PNPT1: variants seen among roughly 807,000 people sequenced by gnomAD.
The protein encoded by PNPT1 is polyribonucleotide nucleotidyltransferase 1, mitochondrial.
A neutral mutation model predicts 119.5 loss-of-function variants in PNPT1; 53 were observed. The ratio of observed to expected loss-of-function variants is 0.44; its 90% confidence interval spans 0.36 to 0.56. The LOEUF is 0.56. Among genes scored for constraint, PNPT1 ranks in the 20% least tolerant of loss-of-function variants. PNPT1 has a pLI of 0.00. For synonymous variants in PNPT1, 357 were observed against 322.1 expected, an observed-to-expected ratio of 1.11 and a Z score of -1.16; for missense variants, 948 against 938.5, an observed-to-expected ratio of 1.01 and a Z score of -0.13.
chr2:55,677,050 A>T (rs1385229283), intron 8 of PNPT1, among the ~76,000 whole-genome samples: 1 of 152,218 alleles, frequency 6.6e-6, no homozygotes, highest in Non-Finnish European at 1.5e-5. Context: ...TTATGAAAGC[A>T]GAGAGAGCTG....
At chr2:55,692,554 C>G (rs1199516989) in intron 1 of PNPT1, among the ~76,000 whole-genome samples, 1 of 151,974 alleles carries the variant, frequency 6.6e-6, no homozygotes, top group Non-Finnish European at 1.5e-5. Context: ...AAAGTATGGG[C>G]TTTGTAAGCA....
intron 9 of PNPT1, among the ~76,000 whole-genome samples, chr2:55,672,361 T>C (rs140823950): frequency 5.9e-5 from 9 of 152,374 alleles, no homozygotes; most frequent in Non-Finnish European, 8.8e-5. Context: ...TCTACCCATT[T>C]TGGCTCCATT....
chr2:55,681,923 C>T (rs1286526073), intron 5 of PNPT1, among the ~76,000 whole-genome samples: 1 of 151,222 alleles, frequency 6.6e-6, no homozygotes, highest in Non-Finnish European at 1.5e-5. Flanking sequence ...GGGCAGATCA[C>T]GGGGTCAGGA....
At chr2:55,671,542 T>A (rs1696914408) in intron 10 of PNPT1, among the ~76,000 whole-genome samples, 166 bp from the exon 11 acceptor site, 1 of 152,224 alleles carries the variant, frequency 6.6e-6, no homozygotes, top group Admixed American at 6.5e-5. Flanking sequence ...ACATGTTAAT[T>A]CATTCAAATA....
intron 8 of PNPT1, among the ~76,000 whole-genome samples, chr2:55,678,894 C>CA (rs1054221415): frequency 6.6e-6 from 1 of 152,150 alleles, no homozygotes; most frequent in Non-Finnish European, 1.5e-5. Flanking sequence ...ATTACTTGTA[C>CA]AAAAAAGCAG....
At chr2:55,669,886 G>C (rs952323934) in intron 11 of PNPT1, among the ~76,000 whole-genome samples, 1 of 151,372 alleles carries the variant, frequency 6.6e-6, no homozygotes, top group African/African-American at 2.4e-5. Flanking sequence ...AGCCTCCCAA[G>C]TAGCTGGGAT....
chr2:55,674,910 G>A (rs1029108715), intron 8 of PNPT1, among the ~76,000 whole-genome samples: 2 of 152,194 alleles, frequency 1.3e-5, no homozygotes, highest in African/African-American at 2.4e-5. Context: ...TTAATCCGGA[G>A]ATTTTTAAAA....
rs770504501 is a variant in PNPT1, at chr2:55,684,968, T to C, written c.378A>G (p.Lys126=). 7 of 1,588,362 alleles carry C rather than the reference T, an allele frequency of 4.4e-6. No homozygotes were observed. The highest frequency in any genetic ancestry group is 2.6e-6 in the Non-Finnish European group (3 of 1,162,104). Residue 126 remains lysine, a synonymous_variant, in exon 4 of 28, where the codon AAA becomes AAG. Coordinates refer to ENST00000447944, the MANE Select transcript of PNPT1 (RefSeq NM_033109.5). ...YLRREIGTSD[K]EILTSRIIDR... ...CTATTATTCGACTTGTTAGAATTTC[T>C]TTATCAGAAGTACCAATCTCTCTTC... is the stretch of plus-strand genomic sequence containing the variant.
intron 18 of PNPT1, among the ~76,000 whole-genome samples, chr2:55,653,695 T>C (rs944350726): frequency 2.6e-5 from 4 of 152,268 alleles, no homozygotes; most frequent in South Asian, 2.1e-4. Context: ...TTTTCCTTTA[T>C]TGAATAAATT....
rs1284333425 is a variant in PNPT1 at position 55,634,874 on chromosome 2, A to G, written c.*1363T>C. The G allele has an allele frequency of 6.6e-6, 1 of 151,456 alleles. No individual in the cohort carries two copies. Among genetic ancestry groups the G allele is most frequent in the African/African-American group, 2.4e-5 (1 of 41,172 alleles). The allele number at this position is 151,456 out of a possible 1,614,324, so 9.4% of individuals were successfully genotyped here. A position where few individuals can be genotyped will look rare whatever the true frequency, so the allele number is the denominator to read the frequency against. ...CCTGGCCAGATATACCTACATTTTT[A>G]TAAGATTTAAAATTTTTTTTAGAGA... is the stretch of plus-strand genomic sequence containing the variant. On this transcript the variant is annotated 3_prime_UTR_variant, in exon 28 of 28. Transcript: ENST00000447944.
At position 55,661,958 on chromosome 2, in the gene PNPT1, T is replaced by G. The variant is rs1313659093; in HGVS notation, c.1245A>C (p.Ile415=). ...GIKSDQVITA[I]NGIKDKNFML... is the part of the protein sequence containing the mutation. ...AACATCTTAAAAACATAACTTACTTTATAGCTGTTATAACTTGATCTGACT... is the reference window on the plus strand; with the variant it reads ...AACATCTTAAAAACATAACTTACTTGATAGCTGTTATAACTTGATCTGACT... Residue 415 remains isoleucine (I), a splice_region_variant and synonymous_variant, in exon 14 of 28, where the codon ATA becomes ATC. Transcript: ENST00000447944. 6.4e-7 allele frequency: 1 copy of G among 1,564,854 alleles called. No homozygotes were observed. The highest frequency in any genetic ancestry group is 2.3e-5 in the East Asian group (1 of 43,230).
chr2:55,646,256 C>A lies in PNPT1; in HGVS notation c.1738+3G>T. On this transcript the variant is annotated splice_donor_region_variant and intron_variant, in intron 21 of 27. Transcript: ENST00000447944. ...GAAGGGAGAATCAAGCACACTAGCT[C>A]ACCTGAAGCTTGTTGAATAGCCTCC... The A allele has an allele frequency of 6.2e-7, 1 of 1,610,562 alleles. No individual in the cohort carries two copies. The highest frequency in any genetic ancestry group is 8.5e-7 in the Non-Finnish European group (1 of 1,177,142).
At chr2:55,691,878 A>ATATATATATTT (rs1326804958) in intron 1 of PNPT1, among the ~76,000 whole-genome samples, 31 of 33,072 alleles carry the variant, frequency 9.4e-4, no homozygotes, top group Admixed American at 2.5e-3. Context: ...ATATATATAT[A>ATATATATATTT]TTTTTTTTTT....
At chr2:55,643,075 C>G (rs1174123822) in intron 25 of PNPT1, 83 bp downstream of exon 25, 1 of 1,428,260 alleles carries the variant, frequency 7.0e-7, no homozygotes, top group African/African-American at 1.4e-5. Flanking sequence ...AATGGCACCA[C>G]TGTATCCCAC....
In PNPT1 at chr2:55,637,559, T is replaced by A; in HGVS notation, c.2189A>T (p.Glu730Val). The A allele has an allele frequency of 6.2e-7, 1 of 1,603,618 alleles. No individual in the cohort carries two copies. The highest frequency in any genetic ancestry group is 8.5e-7 in the Non-Finnish European group (1 of 1,170,494). ...PTALGLEVGQEIQVKYFGRDP... is the reference protein window; with the variant it reads ...PTALGLEVGQVIQVKYFGRDP... ...AAGGTGGAATACAAATACCTGAATT[T>A]CTTGGCCAACTTCTAATCCTAGGGC... The change falls in exon 27 of 28, where the codon GAA (glutamate) becomes GTA (valine). Residue 730 changes from glutamate to valine, a missense_variant. Physicochemically the swap from Glu to Val is moderately radical, Grantham distance 121 (BLOSUM62 -2). Transcript: ENST00000447944.
At chr2:55,651,885 C>A (rs1014634402) in intron 18 of PNPT1, among the ~76,000 whole-genome samples, 53 of 119,690 alleles carry the variant, frequency 4.4e-4, no homozygotes, top group Admixed American at 1.3e-3. Context: ...AAAGGAAAGT[C>A]AAAAAAAAAA....
intron 26 of PNPT1, among the ~76,000 whole-genome samples, chr2:55,638,061 G>C (rs1225142050): frequency 6.6e-6 from 1 of 151,772 alleles, no homozygotes; most frequent in Non-Finnish European, 1.5e-5. Context: ...CAGAACTTTG[G>C]GAGGCTGGGG....
intron 11 of PNPT1, among the ~76,000 whole-genome samples, chr2:55,670,741 T>A (rs939786253): frequency 2.0e-5 from 3 of 152,190 alleles, no homozygotes; most frequent in Non-Finnish European, 4.4e-5. Context: ...TTTCAAATGA[T>A]AAGATACCAG....
intron 1 of PNPT1, among the ~76,000 whole-genome samples, chr2:55,692,445 A>T (rs1384245129): frequency 2.0e-5 from 3 of 152,180 alleles, no homozygotes; most frequent in African/African-American, 7.2e-5. Flanking sequence ...TTCAAAGTAC[A>T]CGTAAAAAAT....
Sources: allele counts gnomAD v4.1 joint callset (sites outside exome capture counted in the v4.1 genomes callset), GRCh38; gene constraint gnomAD v4.1.1; transcripts MANE v1.5; gene names NCBI Gene and HGNC (gene_info 2026-07-23, HGNC 2026-07-21).